The following ZNF678 variants were observed in gnomAD, a reference collection of about 807,000 sequenced individuals.
The protein encoded by ZNF678 is hypothetical protein MGC42493.
In ZNF678, 5 loss-of-function variants were observed where a neutral mutation model predicts 3.0. The ratio of observed to expected loss-of-function variants is 1.69; its 90% CI spans 0.88 to 3.56. The LOEUF is 3.56. Ranked by LOEUF, ZNF678 falls within the 30% of genes most tolerant of loss-of-function variation. The probability of loss-of-function intolerance (pLI) is 0.00; values close to 1 mark genes in which losing one functional copy is unlikely to be tolerated. For missense variants in ZNF678, 593 were observed against 605.0 expected (o/e 0.98, Z 0.21); for synonymous variants, 218 against 199.6 (o/e 1.09, Z -0.78).
intron 5 of ZNF678, among the ~76,000 whole-genome samples, chr1:227,669,614 G>C (rs927467725): frequency 6.7e-6 from 1 of 149,316 alleles, no homozygotes; most frequent in Non-Finnish European, 1.5e-5. Flanking sequence ...GTGCCACTGC[G>C]CGCCAGCCTG....
At chr1:227,592,400 A>G (rs1020050407) in intron 1 of ZNF678, among the ~76,000 whole-genome samples, 21 of 152,266 alleles carry the variant, frequency 1.4e-4, no homozygotes, top group African/African-American at 5.1e-4. Context: ...TGGAAACCCC[A>G]TCTAGTTGTT....
Position 227,622,078 on chromosome 1 carries a change from G to A in ZNF678, c.-163-24466G>A, listed in dbSNP as rs549050531. ...TTGTGGAAGAAATTTGCATTCTGTA[G>A]AGAATCTGTGTCCCTTACTAGGTCT... On this transcript the variant is annotated intron_variant, in intron 1 of 3. Transcript: ENST00000343776. Among the ~76,000 whole-genome samples, 10 of 152,308 alleles carry A rather than the reference G, an allele frequency of 6.6e-5. No individual in the cohort carries two copies. In the East Asian group the frequency reaches 1.4e-3, roughly 21 times the overall value.
intron 1 of ZNF678, among the ~76,000 whole-genome samples, chr1:227,616,894 A>G (rs1425447729): frequency 1.3e-5 from 2 of 152,170 alleles, no homozygotes. Flanking sequence ...TGACATGAAA[A>G]GCTGTTCCCA....
intron 1 of ZNF678, among the ~76,000 whole-genome samples, chr1:227,593,862 C>T (rs996519837): frequency 7.3e-5 from 5 of 68,956 alleles, no homozygotes. Context: ...CCATCCCCCC[C>T]CCCCCTTTTT....
At chr1:227,652,654 A>G (rs369306394) in intron 3 of ZNF678, among the ~76,000 whole-genome samples, 1 of 152,068 alleles carries the variant, frequency 6.6e-6, no homozygotes, top group South Asian at 2.1e-4. Context: ...TGCATACAGA[A>G]ATTTTTTTCA....
At chr1:227,643,863 CTTT>C (rs554280668) in intron 1 of ZNF678, among the ~76,000 whole-genome samples, 10 of 115,422 alleles carry the variant, frequency 8.7e-5, no homozygotes, top group Non-Finnish European at 1.4e-4. Flanking sequence ...CTTTTCTTTT[CTTT>C]TTTTTTTTTT....
intron 5 of ZNF678, among the ~76,000 whole-genome samples, chr1:227,670,869 C>T (rs528523615): frequency 9.2e-5 from 14 of 152,088 alleles, no homozygotes; most frequent in Non-Finnish European, 1.9e-4. Context: ...TTATGTTCAA[C>T]TTTAAAATAA....
chr1:227,605,717 T>A (rs189811686), intron 1 of ZNF678, among the ~76,000 whole-genome samples: 1 of 152,200 alleles, frequency 6.6e-6, no homozygotes, highest in Non-Finnish European at 1.5e-5. Context: ...ATGGATATTA[T>A]TAACAGCTTT....
At chr1:227,612,017 A>G (rs1658033467) in intron 1 of ZNF678, among the ~76,000 whole-genome samples, 2 of 152,088 alleles carry the variant, frequency 1.3e-5, no homozygotes, top group South Asian at 4.1e-4. Context: ...ATGCCAGAAG[A>G]TGATCGACAA....
At chr1:227,590,096 A>C (rs1346113089) in intron 1 of ZNF678, among the ~76,000 whole-genome samples, 1 of 151,828 alleles carries the variant, frequency 6.6e-6, no homozygotes, top group African/African-American at 2.4e-5. Context: ...GGTAGTAAAT[A>C]AGGGATCAGT....
At chr1:227,650,306 T>G (rs548435450) in intron 2 of ZNF678, among the ~76,000 whole-genome samples, 2 of 152,274 alleles carry the variant, frequency 1.3e-5, no homozygotes, top group East Asian at 3.9e-4. Context: ...TGTTAAAGAT[T>G]CATTGAACTT....
chr1:227,661,838 G>A lies in ZNF678; in HGVS notation c.*6010G>A, dbSNP rs1659413736. 6.6e-6 allele frequency: 1 copy of A among 152,280 alleles called. No homozygotes were observed. The highest frequency in any genetic ancestry group is 2.1e-4 in the South Asian group (1 of 4,826). 9.4% of individuals were successfully genotyped at this position (152,280 alleles called of 1,614,324 possible). A position where few individuals can be genotyped will look rare whatever the true frequency, so the allele number is the denominator to read the frequency against. On this transcript the variant is annotated 3_prime_UTR_variant, in exon 4 of 4. Coordinates refer to ENST00000343776, the MANE Select transcript of ZNF678 (RefSeq NM_001367909.1). Reference sequence around the variant, plus strand: ...GGAAAAGATGGTCCCAGCCTGCAAAGCTGAAGTCAGGAACCCACCAGGATC... The same window carrying A: ...GGAAAAGATGGTCCCAGCCTGCAAAACTGAAGTCAGGAACCCACCAGGATC...
chr1:227,581,871 A>T (rs1657137551), intron 1 of ZNF678, among the ~76,000 whole-genome samples: 1 of 152,160 alleles, frequency 6.6e-6, no homozygotes, highest in South Asian at 2.1e-4. Context: ...TTACATTTCC[A>T]CCAGCAGCGC....
At chr1:227,621,790 A>G (rs1029694616) in intron 1 of ZNF678, among the ~76,000 whole-genome samples, 2 of 152,226 alleles carry the variant, frequency 1.3e-5, no homozygotes, top group Admixed American at 1.3e-4. Flanking sequence ...AATTTAGGCT[A>G]TGACAAGAAG....
At chr1:227,652,289 C>T (rs1369777734) in intron 3 of ZNF678, among the ~76,000 whole-genome samples, 2 of 152,124 alleles carry the variant, frequency 1.3e-5, no homozygotes, top group African/African-American at 2.4e-5. Context: ...CATTTGGTTA[C>T]TATTTGCATG....
At chr1:227,640,816 G>A (rs1243488977) in intron 1 of ZNF678, among the ~76,000 whole-genome samples, 5 of 152,086 alleles carry the variant, frequency 3.3e-5, no homozygotes, top group African/African-American at 1.2e-4. Flanking sequence ...CCATAACGGA[G>A]GGTAGGCTTG....
chr1:227,655,291 AC>A lies in ZNF678; in HGVS notation c.1044del (p.Tyr349ThrfsTer54). 1 of 1,611,362 alleles carries A rather than the reference AC, an allele frequency of 6.2e-7. No homozygotes were observed. Among genetic ancestry groups the A allele is most frequent in the Admixed American group, 1.7e-5 (1 of 59,836 alleles). ...ATAAGAGAATTCATACTGGAGAGAA[AC>A]CCTACAAATGTGAAGAATGTGGCAG... Reference protein sequence around the residue: ...SHKRIHTGEKPYKCEECGRTF... With the variant: ...SHKRIHTGEKXYKCEECGRTF... On this transcript the variant is annotated frameshift_variant, in exon 4 of 4. Coordinates refer to ENST00000343776, the MANE Select transcript of ZNF678 (RefSeq NM_001367909.1). LOFTEE classifies it low-confidence loss of function (END_TRUNC).
In ZNF678 at chr1:227,591,595, G is replaced by C. The variant is rs543781657; in HGVS notation, c.-164+27871G>C. On this transcript the variant is annotated intron_variant, in intron 1 of 3. Transcript: ENST00000343776. ...TTCTGTTTTGGCTCACACTTTACTC[G>C]TATCATTTATGAGCCCCCACCAGTC... Among the ~76,000 whole-genome samples, 9 of 151,892 alleles carry C rather than the reference G, an allele frequency of 5.9e-5. No homozygotes were observed. The South Asian group carries it at 8.3e-4, about 14-fold the overall frequency.
chr1:227,655,090 A>G lies in ZNF678; in HGVS notation c.840A>G (p.Leu280=). 3.1e-6 allele frequency: 5 copies of G among 1,592,744 alleles called. No homozygotes were observed. The highest frequency in any genetic ancestry group is 4.3e-6 in the Non-Finnish European group (5 of 1,170,974). ...ACGTTTTTAATGAGTGCTCACACCT[A>G]ACTAGACATAGGAGAATTCATACTG... The part of the protein sequence containing the change: ...CGNVFNECSH[L]TRHRRIHTGE... Residue 280 remains leucine (L), a synonymous_variant, in exon 4 of 4, where the codon CTA becomes CTG. Coordinates refer to ENST00000343776, the MANE Select transcript of ZNF678 (RefSeq NM_001367909.1).
Sources: gnomAD v4.1 joint callset for allele counts (sites outside exome capture counted in the v4.1 genomes callset) on GRCh38, gnomAD v4.1.1 for gene constraint, MANE v1.5 for transcripts, NCBI Gene and HGNC (gene_info 2026-07-23, HGNC 2026-07-21) for gene names.